PGCKA1: variants seen among roughly 807,000 people sequenced by gnomAD.
The protein encoded by PGCKA1 is PDCD10 and GCKIII kinases-associated protein 1.
At chr4:37,511,833 G>A in the PGCKA1 span, among the ~76,000 whole-genome samples, 1 of 152,292 alleles carries the variant, frequency 6.6e-6, no homozygotes, top group African/African-American at 2.4e-5. Flanking sequence ...CTGGCCTACT[G>A]CTCCTAAAGA....
chr4:37,480,617 G>A, the PGCKA1 span, among the ~76,000 whole-genome samples: 4 of 152,264 alleles, frequency 2.6e-5, no homozygotes, highest in East Asian at 7.7e-4. Flanking sequence ...CACAAGCTTG[G>A]AATGTTTCTG....
chr4:37,461,888 C>G, the PGCKA1 span, among the ~76,000 whole-genome samples: 5 of 151,982 alleles, frequency 3.3e-5, no homozygotes, highest in Admixed American at 1.3e-4. Context: ...AAAGCACCTT[C>G]CATGGGACTC....
the PGCKA1 span, among the ~76,000 whole-genome samples, chr4:37,534,288 G>A: frequency 6.6e-6 from 1 of 152,188 alleles, no homozygotes; most frequent in Non-Finnish European, 1.5e-5. Flanking sequence ...ACAAGAACCT[G>A]GGTCCAGGAA....
the PGCKA1 span, among the ~76,000 whole-genome samples, chr4:37,533,597 A>G: frequency 1.4e-4 from 22 of 152,318 alleles, no homozygotes; most frequent in East Asian, 3.3e-3. Context: ...CCTCCTTCCT[A>G]CCTGACCCTT....
chr4:37,534,485 C>A, the PGCKA1 span, among the ~76,000 whole-genome samples: 2 of 152,216 alleles, frequency 1.3e-5, no homozygotes, highest in Non-Finnish European at 2.9e-5. Flanking sequence ...TATGTGCTTG[C>A]TACTGGGTTA....
the PGCKA1 span, among the ~76,000 whole-genome samples, chr4:37,499,555 T>C: frequency 6.6e-6 from 1 of 152,228 alleles, no homozygotes; most frequent in Admixed American, 6.5e-5. Context: ...CAGGAATTTA[T>C]CAATTTCTTT....
At chr4:37,497,230 A>G in the PGCKA1 span, among the ~76,000 whole-genome samples, 2 of 152,176 alleles carry the variant, frequency 1.3e-5, no homozygotes, top group East Asian at 3.8e-4. Context: ...ACTAGTCTCC[A>G]GTCTCATCCA....
the PGCKA1 span, among the ~76,000 whole-genome samples, chr4:37,578,030 G>A: frequency 4.9e-4 from 75 of 152,292 alleles, no homozygotes; most frequent in African/African-American, 1.2e-3. Flanking sequence ...TACAGCAGTT[G>A]GATGAAATGT....
the PGCKA1 span, among the ~76,000 whole-genome samples, chr4:37,490,938 C>A: frequency 6.6e-6 from 1 of 152,016 alleles, no homozygotes; most frequent in African/African-American, 2.4e-5. Flanking sequence ...AAAGGGAGTA[C>A]CCCCAAAATT....
At chr4:37,473,616 G>A in the PGCKA1 span, among the ~76,000 whole-genome samples, 30 of 152,164 alleles carry the variant, frequency 2.0e-4, no homozygotes, top group Admixed American at 5.9e-4. Flanking sequence ...TTTAAAAACC[G>A]AAGTACCTGC....
the PGCKA1 span, among the ~76,000 whole-genome samples, chr4:37,466,606 T>G: frequency 5.9e-5 from 9 of 152,184 alleles, no homozygotes; most frequent in African/African-American, 2.2e-4. Flanking sequence ...TTGATTCTCC[T>G]CTTGAATAAA....
chr4:37,493,978 A>T, the PGCKA1 span, among the ~76,000 whole-genome samples: 1 of 152,108 alleles, frequency 6.6e-6, no homozygotes, highest in African/African-American at 2.4e-5. Flanking sequence ...TCATCTGTTG[A>T]TGGAAACTTA....
At chr4:37,590,922 C>A in the PGCKA1 span, 4 of 1,614,134 alleles carry the variant, frequency 2.5e-6, no homozygotes, top group Non-Finnish European at 3.4e-6. Context: ...AGATTGTGGA[C>A]GAGGATGCAG....
At chr4:37,541,801 G>A in the PGCKA1 span, among the ~76,000 whole-genome samples, 1 of 152,070 alleles carries the variant, frequency 6.6e-6, no homozygotes, top group Non-Finnish European at 1.5e-5. Flanking sequence ...CCTCAATAGG[G>A]AAGGCACCAA....
chr4:37,537,257 T>A, the PGCKA1 span, among the ~76,000 whole-genome samples: 1 of 152,334 alleles, frequency 6.6e-6, no homozygotes, highest in African/African-American at 2.4e-5. Context: ...CCTTTTGCAT[T>A]ACATGTATGG....
the PGCKA1 span, among the ~76,000 whole-genome samples, chr4:37,481,590 A>G: frequency 1.3e-5 from 2 of 150,288 alleles, no homozygotes; most frequent in Non-Finnish European, 2.9e-5. Flanking sequence ...CCGACTCTTC[A>G]CATGGTTATC....
At chr4:37,555,644 A>G in the PGCKA1 span, among the ~76,000 whole-genome samples, 2 of 152,224 alleles carry the variant, frequency 1.3e-5, no homozygotes, top group African/African-American at 4.8e-5. Flanking sequence ...CAGGGAATAC[A>G]GTATAATCAA....
At chr4:37,493,637 G>A in the PGCKA1 span, among the ~76,000 whole-genome samples, 1 of 152,068 alleles carries the variant, frequency 6.6e-6, no homozygotes, top group Non-Finnish European at 1.5e-5. Flanking sequence ...AATAATATCA[G>A]GAAAGTGAAT....
At chr4:37,482,572 A>G in the PGCKA1 span, among the ~76,000 whole-genome samples, 1 of 152,240 alleles carries the variant, frequency 6.6e-6, no homozygotes, top group South Asian at 2.1e-4. Flanking sequence ...TGGTGATGCA[A>G]TAGAAAAGAA....
Sources: allele counts gnomAD v4.1 joint callset (sites outside exome capture counted in the v4.1 genomes callset), GRCh38; gene constraint gnomAD v4.1.1; transcripts MANE v1.5; gene names NCBI Gene and HGNC (gene_info 2026-07-23, HGNC 2026-07-21).